The following SIL1 variants were observed in gnomAD, a reference collection of about 807,000 sequenced individuals.
SIL1 encodes nucleotide exchange factor SIL1.
Under a neutral mutation model 49.1 loss-of-function variants are expected in SIL1, and 40 were observed. The ratio of observed to expected loss-of-function variants is 0.81; its 90% confidence interval spans 0.63 to 1.06. SIL1 has a LOEUF of 1.06. Ranked by LOEUF, SIL1 falls within the 50% of genes least tolerant of loss-of-function variation. SIL1 has a pLI of 0.00. For synonymous variants in SIL1, 253 were observed against 250.8 expected, an observed-to-expected ratio of 1.01 and a Z score of -0.08; for missense variants, 500 against 572.6, an observed-to-expected ratio of 0.87 and a Z score of 1.29.
chr5:138,946,926 C>G lies in SIL1; in HGVS notation c.*191G>C. On this transcript the variant is annotated 3_prime_UTR_variant, in exon 10 of 10. Transcript: ENST00000394817. Reference sequence around the variant, plus strand: ...GTCAGCAGAGCCCATCACCCAACCACTCACCTGACCCCCCGGCCACAGGGC... The same window carrying G: ...GTCAGCAGAGCCCATCACCCAACCAGTCACCTGACCCCCCGGCCACAGGGC... 1 of 628,846 alleles carries G rather than the reference C, an allele frequency of 1.6e-6. No homozygotes were observed. The highest frequency in any genetic ancestry group is 2.9e-6 in the Non-Finnish European group (1 of 345,910). The allele number at this position is 628,846 out of a possible 1,614,324, so 39.0% of individuals were successfully genotyped here. A position where few individuals can be genotyped will look rare whatever the true frequency, so the allele number is the denominator to read the frequency against.
rs73790388 is a variant in SIL1 at position 138,947,705 on chromosome 5, T to C, written c.1030-232A>G. 0.053 allele frequency among the ~76,000 whole-genome samples: 8,057 copies of C among 152,256 alleles called. 689 individuals are homozygous for C. Among genetic ancestry groups the C allele is most frequent in the African/African-American group, 0.18 (7,425 of 41,516 alleles). On this transcript the variant is annotated intron_variant, in intron 9 of 9. Transcript: ENST00000394817. The surrounding 1 kb of genome is among the most constrained non-coding windows in gnomAD (Gnocchi z 4.1). Reference sequence around the variant, plus strand: ...TGCTGAAGAAACCACGATGGAGACATAGTCTTACCCTCAAGGAGCTTAAGG... The same window carrying C: ...TGCTGAAGAAACCACGATGGAGACACAGTCTTACCCTCAAGGAGCTTAAGG...
chr5:139,111,884 T>A (rs13182789), intron 3 of SIL1, among the ~76,000 whole-genome samples: 41,170 of 151,978 alleles, frequency 0.27, 6,195 homozygotes, highest in Middle Eastern at 0.38. Flanking sequence ...ACGGTCTCCC[T>A]CTGATGCCGA....
At chr5:138,979,719 G>C (rs1459067630) in intron 7 of SIL1, among the ~76,000 whole-genome samples, 1 of 152,202 alleles carries the variant, frequency 6.6e-6, no homozygotes, top group African/African-American at 2.4e-5. Context: ...GAGGAGATGA[G>C]TGTTGGGATG....
At chr5:139,029,122 A>T (rs537853861) in intron 5 of SIL1, among the ~76,000 whole-genome samples, 1 of 152,316 alleles carries the variant, frequency 6.6e-6, no homozygotes, top group South Asian at 2.1e-4. Context: ...TATATTTTTT[A>T]AATTCTATTT....
chr5:138,983,940 G>A (rs1767591448), intron 7 of SIL1, among the ~76,000 whole-genome samples: 3 of 152,196 alleles, frequency 2.0e-5, no homozygotes, highest in Admixed American at 2.0e-4. Flanking sequence ...GGTGGGACAG[G>A]AGGCCACAAG....
Position 138,946,930 on chromosome 5 carries a change from C to A in SIL1, c.*187G>T. On this transcript the variant is annotated 3_prime_UTR_variant, in exon 10 of 10. Transcript: ENST00000394817. Reference sequence around the variant, plus strand: ...GCAGAGCCCATCACCCAACCACTCACCTGACCCCCCGGCCACAGGGCTGTG... The same window carrying A: ...GCAGAGCCCATCACCCAACCACTCAACTGACCCCCCGGCCACAGGGCTGTG... 1.6e-6 allele frequency: 1 copy of A among 635,330 alleles called. No individual in the cohort carries two copies. The highest frequency in any genetic ancestry group is 1.8e-5 in the South Asian group (1 of 56,030). 39.4% of individuals were successfully genotyped at this position (635,330 alleles called of 1,614,324 possible).
chr5:139,140,809 T>C (rs1191056754), intron 1 of SIL1, among the ~76,000 whole-genome samples: 1 of 152,236 alleles, frequency 6.6e-6, no homozygotes, highest in East Asian at 1.9e-4. Context: ...TAAATATGGC[T>C]ACATTTATTA....
At chr5:139,159,006 C>A (rs1039173395) in intron 1 of SIL1, among the ~76,000 whole-genome samples, 10 of 151,700 alleles carry the variant, frequency 6.6e-5, no homozygotes, top group African/African-American at 2.4e-4. Flanking sequence ...TACCCTAGAA[C>A]TAATCATGGT....
intron 1 of SIL1, among the ~76,000 whole-genome samples, chr5:139,180,683 T>A (rs906235169): frequency 6.6e-6 from 1 of 152,194 alleles, no homozygotes. Flanking sequence ...TCTGCAACTA[T>A]GGGCATGAGG....
chr5:138,973,319 T>A lies in SIL1; in HGVS notation c.768-21435A>T, dbSNP rs147389073. ...CCAGAAAACCCAACAGCAACTTCTG[T>A]GTCTTATTTTATAATAAGTAATTTA... On this transcript the variant is annotated intron_variant, in intron 7 of 9. Coordinates refer to ENST00000394817, the MANE Select transcript of SIL1 (RefSeq NM_022464.5). Among the ~76,000 whole-genome samples, 564 of 151,760 alleles carry A rather than the reference T, an allele frequency of 3.7e-3. 10 individuals are homozygous for A. Among genetic ancestry groups the A allele is most frequent in the Middle Eastern group, 0.01 (3 of 292 alleles).
intron 3 of SIL1, among the ~76,000 whole-genome samples, chr5:139,087,321 G>T (rs1361793866): frequency 6.6e-6 from 1 of 152,150 alleles, no homozygotes; most frequent in Non-Finnish European, 1.5e-5. Context: ...AAAGGGGTTG[G>T]TAAGTATCTT....
chr5:139,102,993 T>G (rs1175603593), intron 3 of SIL1, among the ~76,000 whole-genome samples: 1 of 152,076 alleles, frequency 6.6e-6, no homozygotes, highest in African/African-American at 2.4e-5. Flanking sequence ...GGATTACAGG[T>G]GTGAGCCACC....
intron 3 of SIL1, among the ~76,000 whole-genome samples, chr5:139,110,239 A>G (rs550648484): frequency 1.3e-5 from 2 of 151,874 alleles, no homozygotes; most frequent in Non-Finnish European, 2.9e-5. Context: ...GATTAAAAAG[A>G]TGATGTTTAT....
chr5:139,188,345 A>G (rs1235491904), intron 1 of SIL1, among the ~76,000 whole-genome samples: 1 of 152,232 alleles, frequency 6.6e-6, no homozygotes, highest in East Asian at 1.9e-4. Context: ...CGCTAAAAAG[A>G]AAAAGACAAT....
chr5:139,178,277 T>C (rs1404762136), intron 1 of SIL1, among the ~76,000 whole-genome samples: 1 of 152,172 alleles, frequency 6.6e-6, no homozygotes, highest in African/African-American at 2.4e-5. Context: ...AAACAACCTA[T>C]TACAGTAATG....
chr5:139,045,540 A>C (rs1769139889), intron 4 of SIL1, among the ~76,000 whole-genome samples: 1 of 151,950 alleles, frequency 6.6e-6, no homozygotes, highest in Non-Finnish European at 1.5e-5. Context: ...AGTTACTTTA[A>C]AAACCTATCT....
intron 7 of SIL1, among the ~76,000 whole-genome samples, chr5:139,018,799 A>T (rs970547835): frequency 3.3e-5 from 5 of 152,282 alleles, no homozygotes; most frequent in African/African-American, 1.2e-4. Context: ...GTGCTTTACA[A>T]CCGTTTTCAC....
At chr5:139,056,791 C>T (rs1448193061) in intron 3 of SIL1, among the ~76,000 whole-genome samples, 8 of 151,964 alleles carry the variant, frequency 5.3e-5, no homozygotes, top group Non-Finnish European at 1.2e-4. Context: ...GCCCCTCTGC[C>T]CGGCCACCAC....
intron 3 of SIL1, among the ~76,000 whole-genome samples, chr5:139,102,760 G>A (rs2151783394): frequency 6.6e-6 from 1 of 150,862 alleles, no homozygotes; most frequent in South Asian, 2.1e-4. Context: ...TGTTGCCCAG[G>A]CTGGAGTGCA....
Sources: gnomAD v4.1 joint callset for allele counts (sites outside exome capture counted in the v4.1 genomes callset) on GRCh38, gnomAD v4.1.1 for gene constraint, Gnocchi (gnomAD v3.1) non-coding constraint, MANE v1.5 for transcripts, NCBI Gene and HGNC (gene_info 2026-07-23, HGNC 2026-07-21) for gene names.